The following PCED1B variants were observed in gnomAD, a reference collection of about 807,000 sequenced individuals.
The protein encoded by PCED1B is PC-esterase domain-containing protein 1B.
For missense variants in PCED1B, 573 were observed against 573.9 expected (o/e 1.00, Z 0.02); for synonymous variants, 251 against 246.1 (o/e 1.02, Z -0.19).
Position 47,149,530 on chromosome 12 carries a change from T to G in PCED1B, c.-526+45335T>G, listed in dbSNP as rs545728730. ...CTATAGGTGCACTTATGTTTCAGGG[T>G]AACTTTTTCAGACAGATCCTTTAAA... On this transcript the variant is annotated intron_variant, in intron 2 of 3. Transcript: ENST00000546455. Among the ~76,000 whole-genome samples the G allele has an allele frequency of 5.9e-5, 9 of 152,350 alleles. No homozygotes were observed. In the South Asian group the frequency reaches 1.9e-3, roughly 32 times the overall value.
At chr12:47,221,006 T>C (rs1439464743) in intron 3 of PCED1B, among the ~76,000 whole-genome samples, 1 of 152,116 alleles carries the variant, frequency 6.6e-6, no homozygotes, top group Non-Finnish European at 1.5e-5. Flanking sequence ...TCCCAAGACA[T>C]AAAAAGTTTA....
At chr12:47,195,174 C>A (rs1019623931) in intron 2 of PCED1B, among the ~76,000 whole-genome samples, 1 of 151,834 alleles carries the variant, frequency 6.6e-6, no homozygotes, top group Non-Finnish European at 1.5e-5. Context: ...TCTAAAAATA[C>A]AAAAATCAGC....
At chr12:47,202,645 T>A (rs1942802084) in intron 2 of PCED1B, among the ~76,000 whole-genome samples, 1 of 149,046 alleles carries the variant, frequency 6.7e-6, no homozygotes, top group South Asian at 2.1e-4. Context: ...ATTGCAACGC[T>A]GCAAAACTGT....
intron 1 of PCED1B, among the ~76,000 whole-genome samples, chr12:47,088,396 T>C (rs854885): frequency 0.018 from 2,698 of 152,234 alleles, 88 homozygotes; most frequent in African/African-American, 0.061. Context: ...TGGTGCTCTC[T>C]CTCAGCTGCT....
intron 1 of PCED1B, among the ~76,000 whole-genome samples, chr12:47,084,543 T>G: frequency 6.6e-6 from 1 of 152,246 alleles, no homozygotes; most frequent in East Asian, 1.9e-4. Flanking sequence ...CTGGACATTT[T>G]ATATAAATGG....
At chr12:47,170,741 C>T (rs1419266968) in intron 2 of PCED1B, among the ~76,000 whole-genome samples, 1 of 152,188 alleles carries the variant, frequency 6.6e-6, no homozygotes, top group East Asian at 1.9e-4. Context: ...ACCTGCCAGT[C>T]TCTGTTTTTC....
chr12:47,112,336 A>G (rs1592153007), intron 2 of PCED1B, among the ~76,000 whole-genome samples: 1 of 152,208 alleles, frequency 6.6e-6, no homozygotes. Flanking sequence ...CCAAATACAG[A>G]GTCTTGATTG....
At chr12:47,094,208 C>T (rs1485157441) in intron 1 of PCED1B, among the ~76,000 whole-genome samples, 1 of 152,014 alleles carries the variant, frequency 6.6e-6, no homozygotes, top group African/African-American at 2.4e-5. Flanking sequence ...AATAATGTTT[C>T]TTGCCTTACA....
chr12:47,235,377 T>C lies in PCED1B; in HGVS notation c.314T>C (p.Ile105Thr), dbSNP rs1943943620. ...GTGTACTCCGATTACCTCCAGACCA[T>C]CTTGAAAGAGCTGCAGTCGGGCGAG... ...TRVYSDYLQT[I>T]LKELQSGEHA... The change falls in exon 4 of 4, where the codon ATC (isoleucine) becomes ACC (threonine). Residue 105 changes from isoleucine (I) to threonine (T), a missense_variant. Physicochemically the swap from Ile to Thr is moderately conservative, Grantham distance 89. Transcript: ENST00000546455. The C allele has an allele frequency of 1.9e-6, 3 of 1,614,130 alleles. No homozygotes were observed. Among genetic ancestry groups the C allele is most frequent in the South Asian group, 1.1e-5 (1 of 91,086 alleles).
At chr12:47,221,345 T>A (rs1398936248) in intron 3 of PCED1B, among the ~76,000 whole-genome samples, 2 of 150,098 alleles carry the variant, frequency 1.3e-5, no homozygotes, top group East Asian at 3.9e-4. Flanking sequence ...ATTCTTTTTT[T>A]TTTTTTTTTT....
intron 2 of PCED1B, among the ~76,000 whole-genome samples, chr12:47,136,903 G>A (rs1940396122): frequency 1.3e-5 from 2 of 152,204 alleles, no homozygotes; most frequent in Non-Finnish European, 2.9e-5. Context: ...GATTCTAGAT[G>A]TGCCACCGTC....
At chr12:47,178,627 G>A (rs1941999242) in intron 2 of PCED1B, among the ~76,000 whole-genome samples, 1 of 152,052 alleles carries the variant, frequency 6.6e-6, no homozygotes, top group African/African-American at 2.4e-5. Flanking sequence ...CCAGCACTTT[G>A]GGAGGCTGAG....
At chr12:47,130,947 G>A (rs1940098583) in intron 2 of PCED1B, among the ~76,000 whole-genome samples, 1 of 152,166 alleles carries the variant, frequency 6.6e-6, no homozygotes, top group Non-Finnish European at 1.5e-5. Flanking sequence ...TGATTGAGAT[G>A]TGTCAAGCAA....
chr12:47,120,732 G>A (rs1939641974), intron 2 of PCED1B, among the ~76,000 whole-genome samples: 1 of 152,106 alleles, frequency 6.6e-6, no homozygotes, highest in African/African-American at 2.4e-5. Flanking sequence ...AACCCGGGAG[G>A]CAGAGGTTGC....
chr12:47,102,549 G>A (rs1938754901), intron 1 of PCED1B, among the ~76,000 whole-genome samples: 1 of 152,194 alleles, frequency 6.6e-6, no homozygotes, highest in Non-Finnish European at 1.5e-5. Flanking sequence ...TTTGCTATTA[G>A]GTTGAGCCAT....
At chr12:47,199,413 A>G (rs955378386) in intron 2 of PCED1B, among the ~76,000 whole-genome samples, 2 of 152,212 alleles carry the variant, frequency 1.3e-5, no homozygotes, top group Admixed American at 6.5e-5. Context: ...TTTATAAGAA[A>G]ATGCAAAAGA....
At chr12:47,226,373 AT>A (rs1943632142) in intron 3 of PCED1B, among the ~76,000 whole-genome samples, 1 of 151,998 alleles carries the variant, frequency 6.6e-6, no homozygotes, top group Admixed American at 6.6e-5. Flanking sequence ...GAGAGAAGAG[AT>A]TGCCTCTCTT....
chr12:47,174,344 G>T (rs1193672554), intron 2 of PCED1B, among the ~76,000 whole-genome samples: 1 of 151,938 alleles, frequency 6.6e-6, no homozygotes, highest in Non-Finnish European at 1.5e-5. Flanking sequence ...GGGAGGTGGA[G>T]GTTGCAGTTA....
chr12:47,089,788 T>A lies in PCED1B; in HGVS notation c.-609+10063T>A, dbSNP rs529619415. On this transcript the variant is annotated intron_variant, in intron 1 of 3. Coordinates refer to ENST00000546455, the MANE Select transcript of PCED1B (RefSeq NM_138371.3). ...GTTAATCAGTGAAGTCTCTCTCTTT[T>A]TTTGAGACAGAGCCTTGCTGTGTCA... 1.9e-4 allele frequency among the ~76,000 whole-genome samples: 29 copies of A among 151,136 alleles called. No individual in the cohort carries two copies. In the South Asian group the frequency reaches 2.9e-3, roughly 15 times the overall value.
Sources: gnomAD v4.1 joint callset for allele counts (sites outside exome capture counted in the v4.1 genomes callset) on GRCh38, gnomAD v4.1.1 for gene constraint, MANE v1.5 for transcripts, NCBI Gene and HGNC (gene_info 2026-07-23, HGNC 2026-07-21) for gene names.